The following ABCD2 variants were observed in gnomAD, a reference collection of about 807,000 sequenced individuals.
ABCD2 encodes ATP-binding cassette sub-family D member 2.
In ABCD2, 36 loss-of-function variants were observed where a neutral mutation model predicts 70.9. The observed-to-expected ratio is 0.51, with a 90% confidence interval of 0.39 to 0.67. ABCD2 has a LOEUF of 0.67. Among genes scored for constraint, ABCD2 ranks in the 30% least tolerant of loss-of-function variants. ABCD2 has a pLI of 0.00. For synonymous variants in ABCD2, 304 were observed against 306.9 expected (o/e 0.99, Z 0.10); for missense variants, 729 against 890.2 (o/e 0.82, Z 2.30).
chr12:39,537,889 C>G, the ABCD2 span, among the ~76,000 whole-genome samples: 1 of 152,094 alleles, frequency 6.6e-6, no homozygotes, highest in African/African-American at 2.4e-5. Context: ...TTCCTGGTTG[C>G]TATCAATAAG....
rs1171175263 is a variant in ABCD2, at chr12:39,553,824, G to C, written c.*88C>G. On this transcript the variant is annotated 3_prime_UTR_variant, in exon 10 of 10. Transcript: ENST00000308666. ...CATGTCTTGCTGCCTTTTTTTCTCT[G>C]TGCTTAGCTTAACATACTTCATGCA... is the stretch of plus-strand genomic sequence containing the variant. 2.0e-6 allele frequency: 2 copies of C among 985,634 alleles called. No individual in the cohort carries two copies. Among genetic ancestry groups the C allele is most frequent in the Non-Finnish European group, 1.5e-6 (1 of 681,622 alleles). 61.1% of individuals were successfully genotyped at this position (985,634 alleles called of 1,614,324 possible).
At chr12:39,538,772 A>G in the ABCD2 span, among the ~76,000 whole-genome samples, 2 of 152,200 alleles carry the variant, frequency 1.3e-5, no homozygotes, top group African/African-American at 4.8e-5. Flanking sequence ...AGATAGCAGA[A>G]GCGGGAAGAG....
At chr12:39,569,618 T>C (rs953981860) in intron 9 of ABCD2, among the ~76,000 whole-genome samples, 1 of 152,076 alleles carries the variant, frequency 6.6e-6, no homozygotes, top group African/African-American at 2.4e-5. Flanking sequence ...CGCTCGGTGG[T>C]CTGCACCCAC....
chr12:39,580,922 A>G (rs1941587886), intron 7 of ABCD2, among the ~76,000 whole-genome samples: 1 of 152,218 alleles, frequency 6.6e-6, no homozygotes, highest in African/African-American at 2.4e-5. Context: ...TGAAAAGTCA[A>G]ATTATCAAAA....
chr12:39,593,166 C>A (rs751110720), intron 6 of ABCD2, among the ~76,000 whole-genome samples: 6 of 152,158 alleles, frequency 3.9e-5, no homozygotes, highest in Non-Finnish European at 7.4e-5. Context: ...TCCCTGATCC[C>A]TACAAAGAAG....
intron 9 of ABCD2, among the ~76,000 whole-genome samples, chr12:39,572,977 G>A (rs377308732): frequency 3.0e-4 from 45 of 152,260 alleles, no homozygotes; most frequent in African/African-American, 1.0e-3. Context: ...AATGAGAGCC[G>A]TGTGCTGTAG....
At position 39,551,965 on chromosome 12, in the gene ABCD2, TGTAGCA is replaced by T. The variant is rs1394370678; in HGVS notation, c.*1941_*1946del. On this transcript the variant is annotated 3_prime_UTR_variant, in exon 10 of 10. Coordinates refer to ENST00000308666, the MANE Select transcript of ABCD2 (RefSeq NM_005164.4). ...AACACTTGCCTCAGACTTTTGCCCT[TGTAGCA>T]GTATAAACTGGATAATCACTTATGT... is the stretch of plus-strand genomic sequence containing the variant. 2.6e-5 allele frequency: 4 copies of T among 151,840 alleles called. No homozygotes were observed. Among genetic ancestry groups the T allele is most frequent in the African/African-American group, 9.7e-5 (4 of 41,408 alleles). 9.4% of individuals were successfully genotyped at this position (151,840 alleles called of 1,614,324 possible). A position where few individuals can be genotyped will look rare whatever the true frequency, so the allele number is the denominator to read the frequency against.
intron 6 of ABCD2, among the ~76,000 whole-genome samples, chr12:39,590,279 T>A (rs1039744182): frequency 6.6e-6 from 1 of 152,208 alleles, no homozygotes; most frequent in African/African-American, 2.4e-5. Flanking sequence ...GGTAGATCAA[T>A]TACCATGTTA....
chr12:39,536,965 C>T, the ABCD2 span, among the ~76,000 whole-genome samples: 4 of 152,126 alleles, frequency 2.6e-5, no homozygotes, highest in South Asian at 8.3e-4. Flanking sequence ...ATACTGGACT[C>T]CCCAGGCTAC....
intron 6 of ABCD2, among the ~76,000 whole-genome samples, chr12:39,591,796 A>G (rs1941749990): frequency 6.6e-6 from 1 of 152,156 alleles, no homozygotes; most frequent in South Asian, 2.1e-4. Flanking sequence ...GTAAAAGTCA[A>G]CTTTAAGAGT....
At chr12:39,546,617 CAAAT>C (rs760614573), downstream of ABCD2, among the ~76,000 whole-genome samples, 26 of 151,884 alleles carry the variant, frequency 1.7e-4, no homozygotes, top group Admixed American at 3.3e-4. Flanking sequence ...GATTATGTGA[CAAAT>C]AAATAGTGAT....
chr12:39,600,081 T>TA (rs999175498), intron 6 of ABCD2, among the ~76,000 whole-genome samples: 4 of 152,170 alleles, frequency 2.6e-5, no homozygotes, highest in East Asian at 1.9e-4. Context: ...ATTCTTACAG[T>TA]AAAAAAATTT....
intron 7 of ABCD2, 132 bp from the exon 8 acceptor site, chr12:39,579,751 C>G (rs1941571282): frequency 1.6e-6 from 1 of 618,286 alleles, no homozygotes. Flanking sequence ...AGGATATATG[C>G]TTGGATAAAC....
chr12:39,559,749 C>T (rs1171723508), intron 9 of ABCD2, among the ~76,000 whole-genome samples: 1 of 152,094 alleles, frequency 6.6e-6, no homozygotes, highest in African/African-American at 2.4e-5. Context: ...GGGAAAAAAC[C>T]TTTCAGCCAA....
intron 9 of ABCD2, among the ~76,000 whole-genome samples, chr12:39,568,800 G>C (rs555729771): frequency 6.6e-6 from 1 of 152,188 alleles, no homozygotes; most frequent in African/African-American, 2.4e-5. Context: ...TACAGATGGG[G>C]TTTTGGTGTT....
chr12:39,580,124 G>T (rs1490431485), intron 7 of ABCD2, among the ~76,000 whole-genome samples: 1 of 152,156 alleles, frequency 6.6e-6, no homozygotes, highest in East Asian at 1.9e-4. Context: ...AGTTCATGGA[G>T]TAATCGACAT....
At chr12:39,604,529 A>C (rs1374128407) in intron 4 of ABCD2, among the ~76,000 whole-genome samples, 3 of 152,086 alleles carry the variant, frequency 2.0e-5, no homozygotes, top group Non-Finnish European at 4.4e-5. Context: ...GCAGTTTCCA[A>C]AAATAATTTG....
At chr12:39,544,879 C>T in the ABCD2 span, among the ~76,000 whole-genome samples, 3 of 152,156 alleles carry the variant, frequency 2.0e-5, no homozygotes, top group Non-Finnish European at 2.9e-5. Flanking sequence ...AGTTTTACTA[C>T]AGTGTTTAAG....
intron 9 of ABCD2, among the ~76,000 whole-genome samples, chr12:39,558,350 G>A (rs998714731): frequency 2.6e-5 from 4 of 152,192 alleles, no homozygotes; most frequent in African/African-American, 9.6e-5. Context: ...GCTGGAATGA[G>A]TTAAGACATT....
Sources: allele counts gnomAD v4.1 joint callset (sites outside exome capture counted in the v4.1 genomes callset), GRCh38; gene constraint gnomAD v4.1.1; transcripts MANE v1.5; gene names NCBI Gene and HGNC (gene_info 2026-07-23, HGNC 2026-07-21).